The following MGAT5 variants were observed in gnomAD, a reference collection of about 807,000 sequenced individuals.
MGAT5 encodes the protein alpha-1,6-mannosylglycoprotein 6-beta-N-acetylglucosaminyltransferase.
Under a neutral mutation model 94.3 loss-of-function variants are expected in MGAT5, and 30 were observed. The ratio of observed to expected loss-of-function variants is 0.32; its 90% CI spans 0.24 to 0.43. MGAT5 has a LOEUF of 0.43. MGAT5 is among the 20% of genes least tolerant of loss of function. MGAT5 has a pLI of 1.00. For synonymous variants in MGAT5, 310 were observed against 322.9 expected (o/e 0.96, Z 0.43); for missense variants, 691 against 905.5 (o/e 0.76, Z 3.04).
At chr2:134,447,377 C>T (rs1380891510) in intron 15 of MGAT5, among the ~76,000 whole-genome samples, 3 of 152,236 alleles carry the variant, frequency 2.0e-5, no homozygotes, top group African/African-American at 7.2e-5. Flanking sequence ...ATCCTGACAA[C>T]AATGATGGTT....
chr2:134,368,795 C>T (rs1371272628), intron 10 of MGAT5, among the ~76,000 whole-genome samples: 6 of 152,316 alleles, frequency 3.9e-5, no homozygotes, highest in Admixed American at 6.5e-5. Flanking sequence ...TCTGTACCTA[C>T]TCCTCTCTGG....
chr2:134,149,894 A>G (rs1245562026), intron 1 of MGAT5, among the ~76,000 whole-genome samples: 4 of 152,362 alleles, frequency 2.6e-5, no homozygotes, highest in Non-Finnish European at 5.9e-5. Context: ...GCTGCCCAGA[A>G]GGAGCTATAG....
In MGAT5 at chr2:134,451,355, A is replaced by G. The variant is rs1686100474; in HGVS notation, c.*2508A>G. 6.6e-6 allele frequency: 1 copy of G among 152,240 alleles called. No individual in the cohort carries two copies. The allele number at this position is 152,240 out of a possible 1,614,324, so 9.4% of individuals were successfully genotyped here. A position where few individuals can be genotyped will look rare whatever the true frequency, so the allele number is the denominator to read the frequency against. On this transcript the variant is annotated 3_prime_UTR_variant, in exon 16 of 16. Transcript: ENST00000281923. ...GGAAGTGCGCCGGAGTTCCACTGAC[A>G]GGGCAGCTGCTCTTGGAGCAAACAA...
At chr2:134,421,203 C>T (rs936606603) in intron 12 of MGAT5, among the ~76,000 whole-genome samples, 6 of 152,180 alleles carry the variant, frequency 3.9e-5, no homozygotes, top group African/African-American at 1.4e-4. Flanking sequence ...TCATTGGTGA[C>T]GTTTCAGATA....
At chr2:134,131,794 GA>G (rs1479942628) in intron 1 of MGAT5, among the ~76,000 whole-genome samples, 3 of 151,896 alleles carry the variant, frequency 2.0e-5, no homozygotes, top group African/African-American at 7.3e-5. Flanking sequence ...GTTGTAAAAA[GA>G]GGCTGTTTCT....
At chr2:134,246,167 T>TAACAAA (rs1682248127) in intron 1 of MGAT5, among the ~76,000 whole-genome samples, 1 of 130,530 alleles carries the variant, frequency 7.7e-6, no homozygotes, top group East Asian at 2.2e-4. Context: ...TTCCTGTTTA[T>TAACAAA]AAAAAAAAAA....
intron 4 of MGAT5, among the ~76,000 whole-genome samples, chr2:134,320,439 T>C (rs1687247918): frequency 6.6e-6 from 1 of 152,062 alleles, no homozygotes; most frequent in East Asian, 1.9e-4. Context: ...TTTAAGGATA[T>C]CCATTTCACC....
chr2:134,167,099 A>G (rs1687997063), intron 1 of MGAT5, among the ~76,000 whole-genome samples: 2 of 152,222 alleles, frequency 1.3e-5, no homozygotes, highest in South Asian at 4.1e-4. Flanking sequence ...CTATTACAAC[A>G]TTAGCTGAGG....
At chr2:134,296,996 T>G (rs942596158) in intron 2 of MGAT5, among the ~76,000 whole-genome samples, 2 of 151,786 alleles carry the variant, frequency 1.3e-5, no homozygotes, top group African/African-American at 4.8e-5. Flanking sequence ...ACCAAGAGTT[T>G]AAGATCAGCC....
chr2:134,412,325 C>T (rs760848426), intron 11 of MGAT5, among the ~76,000 whole-genome samples: 27 of 152,092 alleles, frequency 1.8e-4, no homozygotes, highest in Non-Finnish European at 3.5e-4. Flanking sequence ...AGTGTAAACC[C>T]CATTATGAAA....
chr2:134,430,053 T>C (rs1214635022), intron 14 of MGAT5, among the ~76,000 whole-genome samples: 1 of 152,176 alleles, frequency 6.6e-6, no homozygotes, highest in East Asian at 1.9e-4. Flanking sequence ...CCCGTCTTCT[T>C]GCATCATCAA....
At chr2:134,428,271 G>T in intron 13 of MGAT5, 94 bp from the exon 14 acceptor site, 1 of 1,168,216 alleles carries the variant, frequency 8.6e-7, no homozygotes. Flanking sequence ...GACTCCTGGT[G>T]TTAGCACCCG....
chr2:134,284,960 T>C (rs1450218104), intron 2 of MGAT5, among the ~76,000 whole-genome samples: 2 of 152,238 alleles, frequency 1.3e-5, no homozygotes, highest in African/African-American at 4.8e-5. Context: ...TGTAAATGTT[T>C]CAGGTGTTAA....
intron 1 of MGAT5, among the ~76,000 whole-genome samples, chr2:134,154,856 G>A (rs1687400719): frequency 6.6e-6 from 1 of 152,198 alleles, no homozygotes; most frequent in Non-Finnish European, 1.5e-5. Context: ...TTTTGTATCT[G>A]AGTTTGAATC....
chr2:134,193,650 C>T lies in MGAT5; in HGVS notation c.-142-60612C>T, dbSNP rs372194262. ...GACATCAGAGGAAACAGGGCAATCT[C>T]CCCTCTCTTACATACCCCAAATCTT... On this transcript the variant is annotated intron_variant, in intron 1 of 16. Coordinates refer to the MGAT5 transcript ENST00000409645. Among the ~76,000 whole-genome samples, 46 of 150,836 alleles carry T rather than the reference C, an allele frequency of 3.0e-4. 1 individual carries two copies. Among genetic ancestry groups the T allele is most frequent in the African/African-American group, 1.1e-3 (45 of 40,946 alleles).
At chr2:134,214,143 G>A (rs1680344549) in intron 1 of MGAT5, among the ~76,000 whole-genome samples, 1 of 152,110 alleles carries the variant, frequency 6.6e-6, no homozygotes. Flanking sequence ...AATTTCCCAA[G>A]TGATAGGATG....
chr2:134,380,410 C>T (rs546403114), intron 10 of MGAT5, among the ~76,000 whole-genome samples: 1 of 152,266 alleles, frequency 6.6e-6, no homozygotes, highest in African/African-American at 2.4e-5. Flanking sequence ...CAGCTTTATG[C>T]TGTTGTTAGA....
chr2:134,257,393 T>C (rs571228972), intron 1 of MGAT5, among the ~76,000 whole-genome samples: 156 of 152,262 alleles, frequency 1.0e-3, no homozygotes, highest in Non-Finnish European at 1.9e-3. Context: ...GCCTAATTTT[T>C]GTGTTTTTAG....
intron 1 of MGAT5, among the ~76,000 whole-genome samples, chr2:134,270,099 A>G (rs900874640): frequency 6.6e-6 from 1 of 152,272 alleles, no homozygotes; most frequent in African/African-American, 2.4e-5. Flanking sequence ...GTAGTGCTAT[A>G]GCAGGATGCT....
Sources: allele counts gnomAD v4.1 joint callset (sites outside exome capture counted in the v4.1 genomes callset), GRCh38; gene constraint gnomAD v4.1.1; transcripts MANE v1.5; gene names NCBI Gene and HGNC (gene_info 2026-07-23, HGNC 2026-07-21).